Variants in KIF21B observed in about 807,000 individuals in gnomAD.
KIF21B encodes kinesin-like protein KIF21B.
Under a neutral mutation model 192.9 loss-of-function variants are expected in KIF21B, and 85 were observed. That is an observed-to-expected ratio of 0.44 (90% CI 0.37 to 0.53). The LOEUF (loss-of-function observed/expected upper bound fraction) is 0.53. Among genes scored for constraint, KIF21B ranks in the 20% least tolerant of loss-of-function variants. KIF21B has a pLI of 0.00. For missense variants in KIF21B, 1,716 were observed against 2,194.8 expected (o/e 0.78, Z 4.36); for synonymous variants, 832 against 884.6 (o/e 0.94, Z 1.05).
chr1:201,014,951 A>G (rs6700289), intron 1 of KIF21B, among the ~76,000 whole-genome samples: 16,863 of 152,252 alleles, frequency 0.11, 3,018 homozygotes, highest in African/African-American at 0.38. Flanking sequence ...TGGTAACACC[A>G]TCACACTTGG....
At chr1:200,985,166 C>G (rs1237911486) in intron 26 of KIF21B, among the ~76,000 whole-genome samples, 194 bp from the exon 27 acceptor site, 1 of 152,178 alleles carries the variant, frequency 6.6e-6, no homozygotes, top group East Asian at 1.9e-4. Context: ...TTCACAGATT[C>G]CATATTTGGG....
At position 200,982,970 on chromosome 1, in the gene KIF21B, G is replaced by A. The variant is rs1411685849; in HGVS notation, c.3842+86C>T. ...CGCATGCTGAGGACACGGGTGTCAG[G>A]CGGGAGGGATGCAGCAAGAGACAGA... On this transcript the variant is annotated intron_variant, in intron 28 of 34. Coordinates refer to ENST00000461742, the MANE Select transcript of KIF21B (RefSeq NM_001252102.2). This position sits in a 1 kb window ranked among gnomAD's most constrained non-coding sequence, Gnocchi z 4.7. The A allele has an allele frequency of 7.9e-7, 1 of 1,262,640 alleles. No individual in the cohort carries two copies. Among genetic ancestry groups the A allele is most frequent in the Non-Finnish European group, 1.1e-6 (1 of 898,720 alleles). 78.2% of individuals were successfully genotyped at this position (1,262,640 alleles called of 1,614,324 possible). A position where few individuals can be genotyped will look rare whatever the true frequency, so the allele number is the denominator to read the frequency against.
chr1:200,998,401 C>A lies in KIF21B; in HGVS notation c.2060G>T (p.Arg687Leu). 3 of 1,612,750 alleles carry A rather than the reference C, an allele frequency of 1.9e-6. No individual in the cohort carries two copies. Among genetic ancestry groups the A allele is most frequent in the African/African-American group, 1.3e-5 (1 of 75,018 alleles). The change falls in exon 14 of 35, where the codon CGT becomes CTT. Residue 687 changes from arginine (R) to leucine (L), a missense_variant. Physicochemically the swap from Arg to Leu is moderately radical, Grantham distance 102 (BLOSUM62 -2). This residue lies in a region of KIF21B where 1,087 missense variants were observed against 1,316.6 expected (regional missense o/e 0.83). Coordinates refer to ENST00000461742, the MANE Select transcript of KIF21B (RefSeq NM_001252102.2). The surrounding 1 kb of genome is among the most constrained non-coding windows in gnomAD (Gnocchi z 4.3). ...KIRDTQLERD[R>L]VLQNLSTMEC... ...GGCCTCACTGAGGTTCTGCAGCACA[C>A]GGTCGCGCTCCAGCTGTGTGTCTCG...
In KIF21B at chr1:200,990,418, C is replaced by CAGGAGG; in HGVS notation, c.2836-87_2836-86insCCTCCT. On this transcript the variant is annotated intron_variant, in intron 19 of 34. Coordinates refer to ENST00000461742, the MANE Select transcript of KIF21B (RefSeq NM_001252102.2). This position sits in a 1 kb window ranked among gnomAD's most constrained non-coding sequence, Gnocchi z 5.4. ...CCCTGCCCATAGCTTCCACCACAGGCTGGCCTGTGAGGTCCCCCCAGCACC... is the reference window on the plus strand; with the variant it reads ...CCCTGCCCATAGCTTCCACCACAGGCAGGAGGTGGCCTGTGAGGTCCCCCCAGCACC... 1 of 1,490,624 alleles carries CAGGAGG rather than the reference C, an allele frequency of 6.7e-7. No homozygotes were observed. The highest frequency in any genetic ancestry group is 9.1e-7 in the Non-Finnish European group (1 of 1,101,946). The allele number at this position is 1,490,624 out of a possible 1,614,324, so 92.3% of individuals were successfully genotyped here.
intron 15 of KIF21B, 118 bp downstream of exon 15, chr1:200,996,078 T>C (rs964726308): frequency 1.7e-5 from 18 of 1,036,540 alleles, no homozygotes; most frequent in Admixed American, 3.6e-5. Flanking sequence ...AGGTTAATGC[T>C]GTGTGTTGAG....
At chr1:200,974,272 C>G (rs907896539) in intron 34 of KIF21B, 2 of 1,473,660 alleles carry the variant, frequency 1.4e-6, no homozygotes, top group East Asian at 4.6e-5. Flanking sequence ...GGGACAAAGT[C>G]GGAACAAGAA....
In KIF21B at chr1:201,000,662, G is replaced by T; in HGVS notation, c.1467-54C>A. On this transcript the variant is annotated intron_variant, in intron 10 of 34. Transcript: ENST00000461742. The surrounding 1 kb of genome is among the most constrained non-coding windows in gnomAD (Gnocchi z 6.0). ...CGAGTGAGCTGCCACAGCCCTTGGC[G>T]TCACCTGGCCGAGGCCCCCAGCCCG... The T allele has an allele frequency of 6.2e-6, 10 of 1,613,128 alleles. No individual in the cohort carries two copies. The South Asian group carries it at 1.1e-4, about 18-fold the overall frequency.
At chr1:201,013,581 C>T (rs1218118751) in intron 1 of KIF21B, among the ~76,000 whole-genome samples, 1 of 152,190 alleles carries the variant, frequency 6.6e-6, no homozygotes, top group African/African-American at 2.4e-5. Context: ...TTGTCTCAAA[C>T]TCCTGGGCTT....
intron 30 of KIF21B, 56 bp downstream of exon 30, chr1:200,979,479 G>A: frequency 7.1e-7 from 1 of 1,407,582 alleles, no homozygotes; most frequent in Non-Finnish European, 9.6e-7. Flanking sequence ...GGGAGCATCT[G>A]TACCCAACAC....
Position 201,000,660 on chromosome 1 carries a change from G to A in KIF21B, c.1467-52C>T, listed in dbSNP as rs201893237. Reference sequence around the variant, plus strand: ...GCCGAGTGAGCTGCCACAGCCCTTGGCGTCACCTGGCCGAGGCCCCCAGCC... The same window carrying A: ...GCCGAGTGAGCTGCCACAGCCCTTGACGTCACCTGGCCGAGGCCCCCAGCC... On this transcript the variant is annotated intron_variant, in intron 10 of 34. Transcript: ENST00000461742. This position sits in a 1 kb window ranked among gnomAD's most constrained non-coding sequence, Gnocchi z 6.0. 7,818 of 1,613,356 alleles carry A rather than the reference G, an allele frequency of 4.8e-3. 18 individuals carry two copies. The highest frequency in any genetic ancestry group is 5.9e-3 in the Non-Finnish European group (6,991 of 1,179,546).
At chr1:200,983,192 G>A (rs1409712986) in intron 27 of KIF21B, 98 bp from the exon 28 acceptor site, 2 of 1,011,922 alleles carry the variant, frequency 2.0e-6, no homozygotes, top group Admixed American at 2.0e-5. Flanking sequence ...TCAGAGGGCA[G>A]GTTATTCTCT....
Position 200,988,345 on chromosome 1 carries a change from T to C in KIF21B, c.3359A>G (p.Gln1120Arg). The C allele has an allele frequency of 6.2e-7, 1 of 1,614,044 alleles. No individual in the cohort carries two copies. The highest frequency in any genetic ancestry group is 8.5e-7 in the Non-Finnish European group (1 of 1,179,982). ...ISEFSEGSFS[Q>R]SFTMKGSTSH... is the part of the protein sequence containing the mutation. ...GGTGGAGCCTTTCATGGTGAATGAC[T>C]GGGAGAAGCTGAGGAAGAAGCAGAG... The change falls in exon 24 of 35, where the codon CAG (glutamine) becomes CGG (arginine). Residue 1120 changes from glutamine to arginine, a missense_variant. Gln to Arg is a conservative substitution (Grantham distance 43). Coordinates refer to ENST00000461742, the MANE Select transcript of KIF21B (RefSeq NM_001252102.2).
At chr1:200,981,382 G>A (rs1655915964) in intron 28 of KIF21B, among the ~76,000 whole-genome samples, 1 of 152,234 alleles carries the variant, frequency 6.6e-6, no homozygotes, top group Non-Finnish European at 1.5e-5. Flanking sequence ...GGAGGTGTGG[G>A]CTCTGTCCAC....
rs1656043818 is a variant in KIF21B at position 200,982,999 on chromosome 1, G to A, written c.3842+57C>T. 4 of 1,469,878 alleles carry A rather than the reference G, an allele frequency of 2.7e-6. No individual in the cohort carries two copies. Among genetic ancestry groups the A allele is most frequent in the Admixed American group, 2.0e-5 (1 of 50,906 alleles). The allele number at this position is 1,469,878 out of a possible 1,614,324, so 91.1% of individuals were successfully genotyped here. A position where few individuals can be genotyped will look rare whatever the true frequency, so the allele number is the denominator to read the frequency against. ...GAGGGATGCAGCAAGAGACAGAGAA[G>A]AGAGGGTGCCGAGAGTGAGAGTGGG... On this transcript the variant is annotated intron_variant, in intron 28 of 34. Transcript: ENST00000461742. This position sits in a 1 kb window ranked among gnomAD's most constrained non-coding sequence, Gnocchi z 4.7.
chr1:200,986,351 CCTTTTTTTTTT>C (rs2102401194), intron 26 of KIF21B, among the ~76,000 whole-genome samples: 1 of 144,628 alleles, frequency 6.9e-6, no homozygotes, highest in South Asian at 2.2e-4. Flanking sequence ...AATTACATTT[CCTTTTTTTTTT>C]CTTTTTTTTT....
In KIF21B at chr1:201,009,293, A is replaced by T; in HGVS notation, c.237T>A (p.Tyr79Ter). 6.2e-7 allele frequency: 1 copy of T among 1,614,244 alleles called. No homozygotes were observed. The highest frequency in any genetic ancestry group is 8.5e-7 in the Non-Finnish European group (1 of 1,180,038). The change falls in exon 2 of 35, where the codon TAT (tyrosine) becomes TAA (stop). Residue 79 changes from tyrosine (Y) to a stop codon, truncating the protein, a stop_gained. Transcript: ENST00000461742. LOFTEE classifies it high-confidence loss of function. Reference sequence around the variant, plus strand: ...GCCCATAGGCCAGCACCGTGGCATTATAGCCCTCGAAGCAGCCCTCGATGA... The same window carrying T: ...GCCCATAGGCCAGCACCGTGGCATTTTAGCCCTCGAAGCAGCCCTCGATGA... ...SKLIEGCFEG[Y>*]NATVLAYGQT...
Position 200,980,957 on chromosome 1 carries a change from T to C in KIF21B, c.3979+3A>G. 1 of 1,607,812 alleles carries C rather than the reference T, an allele frequency of 6.2e-7. No individual in the cohort carries two copies. Among genetic ancestry groups the C allele is most frequent in the Middle Eastern group, 1.7e-4 (1 of 6,046 alleles). ...CTACCTGGCTAGTTGGCGTTCCACA[T>C]ACCTTTGGACCCTGTGAATAGCAAC... On this transcript the variant is annotated splice_donor_region_variant and intron_variant, in intron 29 of 34. Transcript: ENST00000461742.
Position 200,982,116 on chromosome 1 carries a change from C to T in KIF21B, c.3842+940G>A, listed in dbSNP as rs907258777. ...CACCCTTGAGGATGGTGGTCGGATACGTCCAGCTGCCAGCCAGGTGCCACA... is the reference window on the plus strand; with the variant it reads ...CACCCTTGAGGATGGTGGTCGGATATGTCCAGCTGCCAGCCAGGTGCCACA... On this transcript the variant is annotated intron_variant, in intron 28 of 34. Coordinates refer to ENST00000461742, the MANE Select transcript of KIF21B (RefSeq NM_001252102.2). The surrounding 1 kb of genome is among the most constrained non-coding windows in gnomAD (Gnocchi z 4.7). Among the ~76,000 whole-genome samples the T allele has an allele frequency of 3.3e-5, 5 of 152,132 alleles. No homozygotes were observed. Among genetic ancestry groups the T allele is most frequent in the Middle Eastern group, 3.2e-3 (1 of 316 alleles).
chr1:200,973,795 T>C (rs1655357827), intron 34 of KIF21B: 16 of 1,435,494 alleles, frequency 1.1e-5, no homozygotes, highest in Non-Finnish European at 1.5e-5. Context: ...GGGAGCTTTG[T>C]CATGGGTTTT....
Sources: gnomAD v4.1 joint callset for allele counts (sites outside exome capture counted in the v4.1 genomes callset) on GRCh38, gnomAD v4.1.1 for gene constraint, gnomAD v4.1.1 regional missense constraint, Gnocchi (gnomAD v3.1) non-coding constraint, MANE v1.5 for transcripts, NCBI Gene and HGNC (gene_info 2026-07-23, HGNC 2026-07-21) for gene names.